Variants in SVIL observed in about 807,000 individuals in gnomAD.
SVIL encodes supervillin.
SVIL carries 101 observed loss-of-function variants against 240.4 expected under a neutral mutation model. The observed-to-expected ratio is 0.42, with a 90% CI of 0.36 to 0.50. The LOEUF is 0.50. Among genes scored for constraint, SVIL ranks in the 20% least tolerant of loss-of-function variants. The probability of loss-of-function intolerance (pLI) is 0.01; values close to 1 mark genes in which losing one functional copy is unlikely to be tolerated. For synonymous variants in SVIL, 999 were observed against 1,100.0 expected, an observed-to-expected ratio of 0.91 and a Z score of 1.82; for missense variants, 2,512 against 2,818.7, an observed-to-expected ratio of 0.89 and a Z score of 2.46.
At chr10:29,693,154 T>C (rs74344557) in intron 1 of SVIL, among the ~76,000 whole-genome samples, 2,324 of 152,294 alleles carry the variant, frequency 0.015, 47 homozygotes, top group East Asian at 0.098. Flanking sequence ...ACTGTCTTCA[T>C]CCTCATTTTA....
chr10:29,598,194 G>T (rs1208967580), intron 1 of SVIL, among the ~76,000 whole-genome samples: 2 of 152,170 alleles, frequency 1.3e-5, no homozygotes, highest in Non-Finnish European at 2.9e-5. Context: ...AGAGCTAGAA[G>T]GTAGAATGGT....
intron 3 of SVIL, among the ~76,000 whole-genome samples, chr10:29,642,403 G>C (rs1958513056): frequency 6.9e-6 from 1 of 145,970 alleles, no homozygotes; most frequent in African/African-American, 2.6e-5. Flanking sequence ...AAAACAGAAA[G>C]AAAGAGAGAG....
At chr10:29,736,396 T>C (rs1964903232), upstream of SVIL, among the ~76,000 whole-genome samples, 1 of 152,194 alleles carries the variant, frequency 6.6e-6, no homozygotes, top group Non-Finnish European at 1.5e-5. Flanking sequence ...GGAAGATGCT[T>C]GGGCTAGCCC....
intron 1 of SVIL, among the ~76,000 whole-genome samples, chr10:29,718,747 C>T (rs1963793310): frequency 6.6e-6 from 1 of 152,082 alleles, no homozygotes; most frequent in Non-Finnish European, 1.5e-5. Context: ...GGTGGGGGAA[C>T]ACTAGAAAAG....
At chr10:29,566,825 A>G (rs1236725127) in intron 2 of SVIL, among the ~76,000 whole-genome samples, 1 of 152,088 alleles carries the variant, frequency 6.6e-6, no homozygotes, top group East Asian at 1.9e-4. Flanking sequence ...CGGATGCTGG[A>G]TCCTGCCCTT....
intron 15 of SVIL, 108 bp downstream of exon 15, chr10:29,523,343 G>A (rs1589104632): frequency 1.9e-6 from 2 of 1,032,478 alleles, no homozygotes; most frequent in East Asian, 5.1e-5. Context: ...AATACTAGCT[G>A]TAAACTGCCT....
At chr10:29,533,705 T>G (rs1455442453) in intron 7 of SVIL, among the ~76,000 whole-genome samples, 1 of 152,156 alleles carries the variant, frequency 6.6e-6, no homozygotes, top group Non-Finnish European at 1.5e-5. Context: ...AGGGGTCAGA[T>G]GCTATCCTGG....
chr10:29,627,095 T>C (rs918311466), intron 1 of SVIL, among the ~76,000 whole-genome samples: 1 of 152,054 alleles, frequency 6.6e-6, no homozygotes, highest in Non-Finnish European at 1.5e-5. Flanking sequence ...AGAATGATTA[T>C]GAAGCCATCA....
chr10:29,619,205 G>C (rs929920436), intron 1 of SVIL, among the ~76,000 whole-genome samples: 1 of 152,172 alleles, frequency 6.6e-6, no homozygotes, highest in Non-Finnish European at 1.5e-5. Flanking sequence ...CATTTTATGA[G>C]ATACTTTGTT....
At chr10:29,726,709 T>C (rs1337011424) in intron 1 of SVIL, among the ~76,000 whole-genome samples, 1 of 152,032 alleles carries the variant, frequency 6.6e-6, no homozygotes, top group African/African-American at 2.4e-5. Context: ...ATCACGCTGC[T>C]GCACTCTGGC....
intron 5 of SVIL, among the ~76,000 whole-genome samples, chr10:29,551,939 T>C (rs1177348487): frequency 6.6e-6 from 1 of 151,734 alleles, no homozygotes; most frequent in Non-Finnish European, 1.5e-5. Context: ...AGTGAGACCC[T>C]GCCTCTACAA....
intron 6 of SVIL, chr10:29,545,035 C>A (rs771176135): frequency 3.7e-6 from 2 of 534,632 alleles, no homozygotes; most frequent in East Asian, 5.5e-5. Context: ...AATTCCGCAG[C>A]CTGTGTCAGA....
chr10:29,533,500 C>G lies in SVIL; in HGVS notation c.909-42G>C. The G allele has an allele frequency of 3.2e-6, 5 of 1,573,352 alleles. No individual in the cohort carries two copies. In the African/African-American group the frequency reaches 4.0e-5, roughly 13 times the overall value. ...GGATTTAAGTTGCAAAGTGCAGTAA[C>G]GGCCTCACAGGAGGAAAGCATGCGT... On this transcript the variant is annotated intron_variant, in intron 7 of 37. Coordinates refer to ENST00000355867, the MANE Select transcript of SVIL (RefSeq NM_021738.3).
chr10:29,473,780 G>C, intron 30 of SVIL, 58 bp downstream of exon 30: 1 of 1,608,144 alleles, frequency 6.2e-7, no homozygotes, highest in East Asian at 2.2e-5. Flanking sequence ...AGTGCCATCG[G>C]CTCCCAGGAG....
rs974979092 is a variant in SVIL, at chr10:29,689,183, A to C, written c.-399-2532T>G. Among the ~76,000 whole-genome samples, 4 of 152,216 alleles carry C rather than the reference A, an allele frequency of 2.6e-5. 1 individual carries two copies. The highest frequency in any genetic ancestry group is 6.5e-5 in the Admixed American group (1 of 15,284). ...AACTTTTTCTTTTCACAGATAAGTA[A>C]ATTTATGCCAAAAGGAAGTGATTCA... is the stretch of plus-strand genomic sequence containing the variant. On this transcript the variant is annotated intron_variant, in intron 1 of 35. Transcript: ENST00000375400.
chr10:29,482,592 T>G (rs1588914958), intron 27 of SVIL, among the ~76,000 whole-genome samples: 2 of 148,720 alleles, frequency 1.3e-5, no homozygotes, highest in South Asian at 4.4e-4. Context: ...TCATAGATCT[T>G]GAAGTGCCTT....
chr10:29,613,597 C>G (rs1957330070), intron 1 of SVIL, among the ~76,000 whole-genome samples: 1 of 152,160 alleles, frequency 6.6e-6, no homozygotes, highest in African/African-American at 2.4e-5. Flanking sequence ...GTAGGCCTCT[C>G]AAAGTGCTGG....
At chr10:29,693,965 A>G (rs1039032933) in intron 1 of SVIL, among the ~76,000 whole-genome samples, 9 of 151,850 alleles carry the variant, frequency 5.9e-5, no homozygotes, top group African/African-American at 1.9e-4. Context: ...ACATACATAG[A>G]TACATAGATA....
At chr10:29,694,465 A>T (rs1011984706) in intron 1 of SVIL, among the ~76,000 whole-genome samples, 3 of 149,988 alleles carry the variant, frequency 2.0e-5, no homozygotes, top group African/African-American at 7.3e-5. Context: ...CCAAAATACA[A>T]TTTTTTTTTT....
Sources: gnomAD v4.1 joint callset for allele counts (sites outside exome capture counted in the v4.1 genomes callset) on GRCh38, gnomAD v4.1.1 for gene constraint, MANE v1.5 for transcripts, NCBI Gene and HGNC (gene_info 2026-07-23, HGNC 2026-07-21) for gene names.